Variants in SFMBT2 observed in about 807,000 individuals in gnomAD.
SFMBT2 encodes the protein Scm like with four mbt domains 2.
In SFMBT2, 38 loss-of-function variants were observed where a neutral mutation model predicts 110.1. That is an observed-to-expected ratio of 0.35 (90% CI 0.27 to 0.45). The LOEUF is 0.45. Ranked by LOEUF, SFMBT2 falls within the 20% of genes least tolerant of loss-of-function variation. The probability of loss-of-function intolerance (pLI) is 1.00; values close to 1 mark genes in which losing one functional copy is unlikely to be tolerated. For synonymous variants in SFMBT2, 425 were observed against 425.4 expected (o/e 1.00, Z 0.01); for missense variants, 1,011 against 1,094.9 (o/e 0.92, Z 1.08).
At chr10:7,228,729 TTCTTTCCTTTCTCTCTCTCTCTCTC>T (rs1840001326) in intron 9 of SFMBT2, among the ~76,000 whole-genome samples, 14 of 90,556 alleles carry the variant, frequency 1.5e-4, no homozygotes, top group African/African-American at 5.3e-4. Flanking sequence ...CTTTCTTTCT[TTCTTTCCTTTCTCTCTCTCTCTCTC>T]TCTCTCTCTC....
chr10:7,331,206 C>T (rs1400786833), intron 4 of SFMBT2, among the ~76,000 whole-genome samples: 1 of 152,162 alleles, frequency 6.6e-6, no homozygotes, highest in African/African-American at 2.4e-5. Flanking sequence ...CTCAGAATTC[C>T]CCCATAGGCT....
Position 7,384,211 on chromosome 10 carries a change from CAA to C in SFMBT2, c.-51-2264_-51-2263del, listed in dbSNP as rs59239303. Among the ~76,000 whole-genome samples, 8 of 27,978 alleles carry C rather than the reference CAA, an allele frequency of 2.9e-4. No homozygotes were observed. The Admixed American group carries it at 3.8e-3, about 13-fold the overall frequency. 18.4% of individuals were successfully genotyped at this position (27,978 alleles called of 152,430 possible). Reference sequence around the variant, plus strand: ...AGGCAACAAGAGCAAAACTCCATCTCAAAAAAAAAAAAAAAAAAAAAAAAAAA... The same window carrying C: ...AGGCAACAAGAGCAAAACTCCATCTCAAAAAAAAAAAAAAAAAAAAAAAAA... On this transcript the variant is annotated intron_variant, in intron 1 of 20. Coordinates refer to ENST00000397167, the MANE Select transcript of SFMBT2 (RefSeq NM_001387889.1).
chr10:7,309,971 C>T (rs1315792343), intron 4 of SFMBT2, among the ~76,000 whole-genome samples: 4 of 152,188 alleles, frequency 2.6e-5, no homozygotes, highest in African/African-American at 9.7e-5. Context: ...CCACATCACT[C>T]TGTGTTGTAG....
chr10:7,297,807 C>A (rs1842445686), intron 4 of SFMBT2, among the ~76,000 whole-genome samples: 1 of 152,230 alleles, frequency 6.6e-6, no homozygotes, highest in Non-Finnish European at 1.5e-5. Context: ...ACGACACACA[C>A]ATTCAGCACA....
chr10:7,344,510 G>A (rs1420313721), intron 4 of SFMBT2, among the ~76,000 whole-genome samples: 1 of 152,102 alleles, frequency 6.6e-6, no homozygotes, highest in East Asian at 1.9e-4. Flanking sequence ...CAGCTATGTG[G>A]AATTGTGAGT....
intron 1 of SFMBT2, among the ~76,000 whole-genome samples, chr10:7,402,228 T>C (rs991600024): frequency 6.6e-6 from 1 of 152,132 alleles, no homozygotes; most frequent in Non-Finnish European, 1.5e-5. Flanking sequence ...GTGTGTACCT[T>C]GTAAAAGAAT....
At chr10:7,402,605 C>T (rs117788008) in intron 1 of SFMBT2, among the ~76,000 whole-genome samples, 1 of 152,078 alleles carries the variant, frequency 6.6e-6, no homozygotes, top group African/African-American at 2.4e-5. Context: ...TTTCCCTGGT[C>T]CATTAAAAGA....
intron 4 of SFMBT2, among the ~76,000 whole-genome samples, chr10:7,324,801 G>A (rs907391878): frequency 2.6e-5 from 4 of 152,222 alleles, no homozygotes; most frequent in East Asian, 1.9e-4. Flanking sequence ...ATCTTGCTAC[G>A]TGTTCACATG....
chr10:7,394,539 C>T (rs1231700971), intron 1 of SFMBT2, among the ~76,000 whole-genome samples: 2 of 150,968 alleles, frequency 1.3e-5, no homozygotes, highest in Non-Finnish European at 2.9e-5. Context: ...ACACGCTCAC[C>T]CCCCTGGCAG....
At chr10:7,382,620 T>C (rs1845456721) in intron 1 of SFMBT2, among the ~76,000 whole-genome samples, 1 of 151,100 alleles carries the variant, frequency 6.6e-6, no homozygotes, top group South Asian at 2.1e-4. Context: ...CTTGAAGCTA[T>C]GTAGCAGCAA....
intron 9 of SFMBT2, among the ~76,000 whole-genome samples, chr10:7,238,945 C>T (rs1193557087): frequency 6.6e-6 from 1 of 152,152 alleles, no homozygotes; most frequent in Non-Finnish European, 1.5e-5. Context: ...TGGGTTTAAA[C>T]TAATTGAGTA....
chr10:7,206,563 T>C (rs988625815), intron 11 of SFMBT2: 1 of 985,432 alleles, frequency 1.0e-6, no homozygotes, highest in Non-Finnish European at 1.2e-6. Context: ...ACTTTGGCTA[T>C]GTCATAGAAA....
chr10:7,172,158 C>G lies in SFMBT2; in HGVS notation c.2152G>C (p.Glu718Gln). 1.3e-6 allele frequency: 2 copies of G among 1,542,686 alleles called. No homozygotes were observed. The highest frequency in any genetic ancestry group is 1.2e-5 in the South Asian group (1 of 81,582). ...AVDFTAGSGE[E>Q]SEEEDADAMD... ...GCGTCAGCGTCCTCCTCTTCACTTT[C>G]CTGGGAAGGAGGAAAAGGCATTTAA... Residue 718 changes from glutamate to glutamine, a missense_variant and splice_region_variant, in exon 19 of 21, where the codon GAA (glutamate) becomes CAA (glutamine). Coordinates refer to ENST00000397167, the MANE Select transcript of SFMBT2 (RefSeq NM_001387889.1). The surrounding 1 kb of genome is among the most constrained non-coding windows in gnomAD (Gnocchi z 4.6).
chr10:7,179,184 C>T (rs1838163714), intron 16 of SFMBT2, among the ~76,000 whole-genome samples: 1 of 151,828 alleles, frequency 6.6e-6, no homozygotes, highest in Admixed American at 6.6e-5. Flanking sequence ...TCTGATGGGT[C>T]GAGCTTGACT....
intron 4 of SFMBT2, among the ~76,000 whole-genome samples, chr10:7,309,991 C>T (rs1248985498): frequency 6.6e-6 from 1 of 152,152 alleles, no homozygotes; most frequent in Non-Finnish European, 1.5e-5. Flanking sequence ...GGGGACAGCG[C>T]TGTATTCTGC....
rs1840999556 is a variant in SFMBT2, at chr10:7,256,103, G to A, written c.871-7454C>T. ...TTCTGCTGACACAGACTGTGGGGTGGAATCCCTCTTGTGGGAGGAAATTAA... is the reference window on the plus strand; with the variant it reads ...TTCTGCTGACACAGACTGTGGGGTGAAATCCCTCTTGTGGGAGGAAATTAA... On this transcript the variant is annotated intron_variant, in intron 7 of 20. Transcript: ENST00000397167. Among the ~76,000 whole-genome samples, 6 of 152,152 alleles carry A rather than the reference G, an allele frequency of 3.9e-5. No individual in the cohort carries two copies. In the South Asian group the frequency reaches 1.2e-3, roughly 32 times the overall value.
At chr10:7,270,519 T>C (rs1841548096) in intron 7 of SFMBT2, among the ~76,000 whole-genome samples, 1 of 152,152 alleles carries the variant, frequency 6.6e-6, no homozygotes, top group African/African-American at 2.4e-5. Context: ...TGAACTGAAA[T>C]AAGAGAAAAC....
Position 7,172,688 on chromosome 10 carries a change from T to G in SFMBT2, c.1985-27A>C, listed in dbSNP as rs200360390. 1 of 1,603,604 alleles carries G rather than the reference T, an allele frequency of 6.2e-7. No individual in the cohort carries two copies. Among genetic ancestry groups the G allele is most frequent in the East Asian group, 2.2e-5 (1 of 44,660 alleles). On this transcript the variant is annotated intron_variant, in intron 17 of 20. Coordinates refer to ENST00000397167, the MANE Select transcript of SFMBT2 (RefSeq NM_001387889.1). This position sits in a 1 kb window ranked among gnomAD's most constrained non-coding sequence, Gnocchi z 4.6. ...TGTAGGAAGGAAGATGAGAAACTTT[T>G]GAAGGCTATACACACACACAGACAT... is the stretch of plus-strand genomic sequence containing the variant.
chr10:7,313,226 TATA>T (rs1842905039), intron 4 of SFMBT2, among the ~76,000 whole-genome samples: 1 of 150,934 alleles, frequency 6.6e-6, no homozygotes, highest in Admixed American at 6.6e-5. Context: ...ATATAATAAA[TATA>T]ATACAATTGT....
Sources: gnomAD v4.1 joint callset for allele counts (sites outside exome capture counted in the v4.1 genomes callset) on GRCh38, gnomAD v4.1.1 for gene constraint, Gnocchi (gnomAD v3.1) non-coding constraint, MANE v1.5 for transcripts, NCBI Gene and HGNC (gene_info 2026-07-23, HGNC 2026-07-21) for gene names.